The following B3GAT2 variants were observed in gnomAD, a reference collection of about 807,000 sequenced individuals.
B3GAT2 encodes galactosylgalactosylxylosylprotein 3-beta-glucuronosyltransferase 2.
A neutral mutation model predicts 27.8 loss-of-function variants in B3GAT2; 26 were observed. The observed-to-expected ratio is 0.93, with a 90% CI of 0.68 to 1.30. The LOEUF (loss-of-function observed/expected upper bound fraction) is 1.30. Among genes scored for constraint, B3GAT2 ranks in the 50% most tolerant of loss-of-function variants. The pLI, the probability that B3GAT2 is intolerant of heterozygous loss-of-function variation, is 0.00. For synonymous variants in B3GAT2, 218 were observed against 195.1 expected, an observed-to-expected ratio of 1.12 and a Z score of -0.98; for missense variants, 458 against 459.0, an observed-to-expected ratio of 1.00 and a Z score of 0.02.
intron 2 of B3GAT2, among the ~76,000 whole-genome samples, chr6:70,862,830 T>C (rs970694136): frequency 6.6e-6 from 1 of 151,336 alleles, no homozygotes; most frequent in African/African-American, 2.4e-5. Context: ...ATTAGCTGGG[T>C]GTTGTGGCAC....
intron 1 of B3GAT2, among the ~76,000 whole-genome samples, chr6:70,935,141 A>G (rs1462950156): frequency 6.6e-6 from 1 of 151,996 alleles, no homozygotes; most frequent in African/African-American, 2.4e-5. Flanking sequence ...AAAAAAAAAG[A>G]GCAATATAAA....
At chr6:70,881,159 C>CA (rs1475500986) in intron 2 of B3GAT2, among the ~76,000 whole-genome samples, 1 of 152,168 alleles carries the variant, frequency 6.6e-6, no homozygotes, top group Non-Finnish European at 1.5e-5. Flanking sequence ...GCAACCCTAA[C>CA]AGTATCACTG....
chr6:70,872,396 T>TA (rs1379865728), intron 2 of B3GAT2, among the ~76,000 whole-genome samples: 1 of 151,988 alleles, frequency 6.6e-6, no homozygotes, highest in East Asian at 1.9e-4. Context: ...TTTATAGTTA[T>TA]ATCTTCTTGA....
chr6:70,903,966 T>C (rs1288374215), intron 1 of B3GAT2, among the ~76,000 whole-genome samples: 1 of 152,108 alleles, frequency 6.6e-6, no homozygotes, highest in Non-Finnish European at 1.5e-5. Flanking sequence ...ATAATATCCA[T>C]AAGCTGGAAA....
chr6:70,949,090 A>T (rs902519646), intron 1 of B3GAT2, among the ~76,000 whole-genome samples: 2 of 152,152 alleles, frequency 1.3e-5, no homozygotes, highest in Non-Finnish European at 2.9e-5. Flanking sequence ...TAGACCTAAA[A>T]CCATAAAAAC....
At position 70,860,022 on chromosome 6, in the gene B3GAT2, TAAAG is replaced by T; in HGVS notation, c.*1637_*1640del. ...GGGGAAACTGTATCTAGAAAGTAGA[TAAAG>T]AAGGGAACAAAGTAGCTATTTGCTT... On this transcript the variant is annotated 3_prime_UTR_variant, in exon 4 of 4. Coordinates refer to ENST00000230053, the MANE Select transcript of B3GAT2 (RefSeq NM_080742.3). The T allele has an allele frequency of 1.7e-6, 1 of 582,368 alleles. No individual in the cohort carries two copies. The highest frequency in any genetic ancestry group is 2.7e-6 in the Non-Finnish European group (1 of 369,360). 36.1% of individuals were successfully genotyped at this position (582,368 alleles called of 1,614,324 possible).
At chr6:70,914,990 CA>C (rs1411844462) in intron 1 of B3GAT2, among the ~76,000 whole-genome samples, 1 of 152,112 alleles carries the variant, frequency 6.6e-6, no homozygotes, top group East Asian at 1.9e-4. Flanking sequence ...CACTGTCTTC[CA>C]CAATGGTTGC....
chr6:70,894,357 G>T, intron 1 of B3GAT2, 85 bp from the exon 2 acceptor site: 1 of 1,371,888 alleles, frequency 7.3e-7, no homozygotes, highest in Non-Finnish European at 9.8e-7. Context: ...GAAGAAGTAG[G>T]GCTGGTAGTG....
At chr6:70,894,397 A>C in intron 1 of B3GAT2, 125 bp from the exon 2 acceptor site, 1 of 1,060,992 alleles carries the variant, frequency 9.4e-7, no homozygotes, top group Non-Finnish European at 1.3e-6. Context: ...GAAGGTTTCA[A>C]AACAGAATCC....
Position 70,856,776 on chromosome 6 carries a change from A to G in B3GAT2, c.*4887T>C. On this transcript the variant is annotated 3_prime_UTR_variant, in exon 4 of 4. Coordinates refer to ENST00000230053, the MANE Select transcript of B3GAT2 (RefSeq NM_080742.3). The stretch of plus-strand genomic sequence containing the variant: ...AATTGTTTGATTCCTATCTAATTTT[A>G]TAACTTTATTTGGATTTTAAGTAAT... 1.5e-6 allele frequency: 2 copies of G among 1,371,880 alleles called. No individual in the cohort carries two copies. Among genetic ancestry groups the G allele is most frequent in the East Asian group, 2.4e-5 (1 of 41,326 alleles). The allele number at this position is 1,371,880 out of a possible 1,614,324, so 85.0% of individuals were successfully genotyped here.
At chr6:70,865,796 A>G (rs1771839353) in intron 2 of B3GAT2, among the ~76,000 whole-genome samples, 2 of 152,192 alleles carry the variant, frequency 1.3e-5, no homozygotes, top group African/African-American at 4.8e-5. Flanking sequence ...AAAGGCAGAC[A>G]AAATGATTGA....
intron 1 of B3GAT2, among the ~76,000 whole-genome samples, chr6:70,954,916 G>GGGGC (rs1554218592): frequency 2.7e-5 from 2 of 73,966 alleles, no homozygotes; most frequent in African/African-American, 4.5e-5. Flanking sequence ...CGGGGGCGGC[G>GGGGC]GGGGGGGGCG....
intron 1 of B3GAT2, among the ~76,000 whole-genome samples, chr6:70,934,535 A>G (rs1773111628): frequency 6.6e-6 from 1 of 152,198 alleles, no homozygotes; most frequent in Admixed American, 6.5e-5. Flanking sequence ...TCTCTAATGA[A>G]TGGGTAATAA....
intron 1 of B3GAT2, among the ~76,000 whole-genome samples, chr6:70,896,904 C>T (rs1455949438): frequency 3.3e-5 from 5 of 151,954 alleles, no homozygotes; most frequent in Non-Finnish European, 7.4e-5. Flanking sequence ...ATTTCTTTCT[C>T]TTTTTTTTAA....
intron 1 of B3GAT2, among the ~76,000 whole-genome samples, chr6:70,903,811 C>T (rs2150035990): frequency 6.6e-6 from 1 of 151,628 alleles, no homozygotes; most frequent in East Asian, 1.9e-4. Context: ...AAAATGGTAA[C>T]AACTACTTGG....
At chr6:70,936,488 A>T (rs956173176) in intron 1 of B3GAT2, among the ~76,000 whole-genome samples, 2 of 152,114 alleles carry the variant, frequency 1.3e-5, no homozygotes, top group African/African-American at 4.8e-5. Flanking sequence ...TCCAAAATTG[A>T]CCACATAGTT....
Position 70,859,454 on chromosome 6 carries a change from C to A in B3GAT2, c.*2209G>T. On this transcript the variant is annotated 3_prime_UTR_variant, in exon 4 of 4. Transcript: ENST00000230053. ...GATCTGCTTCTTCAGACACTTATGC[C>A]TGATTAGTGATGTAGTTTATGTTAG... The A allele has an allele frequency of 7.7e-7, 1 of 1,295,984 alleles. No homozygotes were observed. 80.3% of individuals were successfully genotyped at this position (1,295,984 alleles called of 1,614,324 possible).
intron 1 of B3GAT2, among the ~76,000 whole-genome samples, chr6:70,925,070 T>A (rs1323647696): frequency 6.6e-6 from 1 of 152,128 alleles, no homozygotes; most frequent in Non-Finnish European, 1.5e-5. Context: ...AGCATAAGGA[T>A]CATTTCCCAC....
intron 1 of B3GAT2, among the ~76,000 whole-genome samples, chr6:70,915,872 T>C (rs1772764906): frequency 6.6e-6 from 1 of 152,178 alleles, no homozygotes; most frequent in Non-Finnish European, 1.5e-5. Context: ...CCCAGGATTG[T>C]CTTGGCTATG....
Sources: allele counts gnomAD v4.1 joint callset (sites outside exome capture counted in the v4.1 genomes callset), GRCh38; gene constraint gnomAD v4.1.1; transcripts MANE v1.5; gene names NCBI Gene and HGNC (gene_info 2026-07-23, HGNC 2026-07-21).